The following SLBP variants were observed in gnomAD, a reference collection of about 807,000 sequenced individuals.
The protein encoded by SLBP is histone RNA hairpin-binding protein.
Under a neutral mutation model 39.2 loss-of-function variants are expected in SLBP, and 29 were observed. The observed-to-expected ratio is 0.74, with a 90% CI of 0.55 to 1.01. The LOEUF (loss-of-function observed/expected upper bound fraction) is 1.01. Ranked by LOEUF, SLBP falls within the 50% of genes least tolerant of loss-of-function variation. The probability of loss-of-function intolerance (pLI) is 0.00; values close to 1 mark genes in which losing one functional copy is unlikely to be tolerated. For missense variants in SLBP, 390 were observed against 350.2 expected (o/e 1.11, Z -0.91); for synonymous variants, 129 against 118.7 (o/e 1.09, Z -0.57).
At position 1,712,272 on chromosome 4, in the gene SLBP, G is replaced by T. The variant is rs1468833769; in HGVS notation, c.-84C>A. 12 of 878,470 alleles carry T rather than the reference G, an allele frequency of 1.4e-5. No homozygotes were observed. Among genetic ancestry groups the T allele is most frequent in the Non-Finnish European group, 1.9e-5 (12 of 643,436 alleles). 54.4% of individuals were successfully genotyped at this position (878,470 alleles called of 1,614,324 possible). Reference sequence around the variant, plus strand: ...AGAGAGCGCAGAGTAGAGCAGGGCAGGGCCTGAGGCAGAAACCCGCGTCCC... The same window carrying T: ...AGAGAGCGCAGAGTAGAGCAGGGCATGGCCTGAGGCAGAAACCCGCGTCCC... On this transcript the variant is annotated 5_prime_UTR_variant, in exon 1 of 8. The change creates a new upstream start codon in the 5' untranslated region. Coordinates refer to ENST00000489418, the MANE Select transcript of SLBP (RefSeq NM_006527.4).
Position 1,700,087 on chromosome 4 carries a change from T to G in SLBP, c.282-17A>C. On this transcript the variant is annotated splice_polypyrimidine_tract_variant and intron_variant, in intron 3 of 7. Coordinates refer to ENST00000489418, the MANE Select transcript of SLBP (RefSeq NM_006527.4). ...CTTTTATATCTGAGGGCAAAATAAATATTGCTGTTTTTAAAAAAGATATAA... is the reference window on the plus strand; with the variant it reads ...CTTTTATATCTGAGGGCAAAATAAAGATTGCTGTTTTTAAAAAAGATATAA... 2 of 1,554,068 alleles carry G rather than the reference T, an allele frequency of 1.3e-6. No individual in the cohort carries two copies. Among genetic ancestry groups the G allele is most frequent in the Non-Finnish European group, 1.8e-6 (2 of 1,132,628 alleles).
At chr4:1,698,630 G>A (rs1716212089) in intron 5 of SLBP, among the ~76,000 whole-genome samples, 1 of 151,224 alleles carries the variant, frequency 6.6e-6, no homozygotes, top group Non-Finnish European at 1.5e-5. Flanking sequence ...GACTACAAAT[G>A]TGTGCCACCA....
At chr4:1,697,598 T>C (rs1237145180) in intron 5 of SLBP, among the ~76,000 whole-genome samples, 1 of 152,180 alleles carries the variant, frequency 6.6e-6, no homozygotes, top group East Asian at 1.9e-4. Flanking sequence ...CCCAGCACTT[T>C]GGGAGGCCGA....
Position 1,711,672 on chromosome 4 carries a change from G to C in SLBP, c.176+202C>G, listed in dbSNP as rs1716777538. On this transcript the variant is annotated intron_variant, in intron 2 of 7. Transcript: ENST00000489418. ...CGCCGGTTCAGCTGACTCCCATCCT[G>C]GCAAGAGGCTTCCGGAGTGTTCCAG... is the stretch of plus-strand genomic sequence containing the variant. Among the ~76,000 whole-genome samples the C allele has an allele frequency of 3.3e-5, 5 of 152,362 alleles. No individual in the cohort carries two copies. In the South Asian group the frequency reaches 1.0e-3, roughly 32 times the overall value.
At chr4:1,695,676 G>A (rs1716079460) in intron 6 of SLBP, among the ~76,000 whole-genome samples, 1 of 151,974 alleles carries the variant, frequency 6.6e-6, no homozygotes, top group South Asian at 2.1e-4. Context: ...AGCTACTCAG[G>A]AGGCTGAGGC....
rs113061855 is a variant in SLBP, at chr4:1,699,030, C to T, written c.479+534G>A. Among the ~76,000 whole-genome samples the T allele has an allele frequency of 6.7e-3, 1,025 of 152,230 alleles. 9 individuals carry two copies. Among genetic ancestry groups the T allele is most frequent in the African/African-American group, 0.024 (977 of 41,520 alleles). ...GTCTCCTGGCCTCAAGCAGTCCTCTCGGCCTCCCAAAGTGCTGGAATTACA... is the reference window on the plus strand; with the variant it reads ...GTCTCCTGGCCTCAAGCAGTCCTCTTGGCCTCCCAAAGTGCTGGAATTACA... On this transcript the variant is annotated intron_variant, in intron 5 of 7. Coordinates refer to ENST00000489418, the MANE Select transcript of SLBP (RefSeq NM_006527.4).
intron 2 of SLBP, among the ~76,000 whole-genome samples, chr4:1,704,356 G>A (rs892640944): frequency 6.6e-5 from 10 of 152,198 alleles, no homozygotes; most frequent in Non-Finnish European, 1.2e-4. Flanking sequence ...TCCAACATCC[G>A]GCCTGATGCT....
intron 2 of SLBP, among the ~76,000 whole-genome samples, chr4:1,708,225 CTGGT>C (rs1415790685): frequency 6.6e-6 from 1 of 152,180 alleles, no homozygotes; most frequent in Non-Finnish European, 1.5e-5. Flanking sequence ...GAACTCCAGC[CTGGT>C]TGACAGTTAT....
intron 3 of SLBP, among the ~76,000 whole-genome samples, chr4:1,701,144 T>TTC (rs1448493910): frequency 8.0e-6 from 1 of 125,678 alleles, no homozygotes; most frequent in African/African-American, 2.6e-5. Context: ...TTTCTTTTTT[T>TTC]TCTTTTTTTT....
intron 5 of SLBP, among the ~76,000 whole-genome samples, chr4:1,698,158 G>A (rs146185981): frequency 3.0e-3 from 453 of 151,748 alleles, no homozygotes; most frequent in African/African-American, 0.01. Flanking sequence ...TCAGCAGTGC[G>A]AGACCAGCCT....
intron 2 of SLBP, among the ~76,000 whole-genome samples, chr4:1,709,209 A>G (rs1716637346): frequency 6.6e-6 from 1 of 152,012 alleles, no homozygotes; most frequent in South Asian, 2.1e-4. Flanking sequence ...GATTACAGGC[A>G]TGCGCCACCA....
chr4:1,711,993 G>A lies in SLBP; in HGVS notation c.60-3C>T. On this transcript the variant is annotated splice_region_variant and splice_polypyrimidine_tract_variant and intron_variant, in intron 1 of 7. Transcript: ENST00000489418. ...TCCATCGCGCGGGGGACGGCGGGCT[G>A]CGGGGAGGGACGCGGTCGGCTGGGC... The A allele has an allele frequency of 2.3e-6, 3 of 1,289,726 alleles. No individual in the cohort carries two copies. Among genetic ancestry groups the A allele is most frequent in the Non-Finnish European group, 2.9e-6 (3 of 1,017,960 alleles). 79.9% of individuals were successfully genotyped at this position (1,289,726 alleles called of 1,614,324 possible). A position where few individuals can be genotyped will look rare whatever the true frequency, so the allele number is the denominator to read the frequency against.
intron 2 of SLBP, among the ~76,000 whole-genome samples, chr4:1,709,573 G>A (rs76736092): frequency 0.044 from 6,670 of 151,206 alleles, 196 homozygotes; most frequent in Non-Finnish European, 0.066. Context: ...CGCCTATGAC[G>A]CCTGCCTCCC....
intron 2 of SLBP, among the ~76,000 whole-genome samples, chr4:1,710,170 C>T (rs969904121): frequency 1.3e-4 from 20 of 152,354 alleles, no homozygotes; most frequent in South Asian, 6.2e-4. Flanking sequence ...GGAGCCACTG[C>T]GCCCAGCCCC....
intron 4 of SLBP, 120 bp downstream of exon 4, chr4:1,699,891 G>C: frequency 1.2e-6 from 1 of 825,852 alleles, no homozygotes; most frequent in South Asian, 1.7e-5. Context: ...TTTCAAATTA[G>C]TGAAAAAGGT....
Position 1,711,761 on chromosome 4 carries a change from C to T in SLBP, c.176+113G>A, listed in dbSNP as rs1247665588. ...CCGCGCGGAGACCAAGATAAAAGGA[C>T]GCAGGGTGCCGACCTGACCGATCCC... is the stretch of plus-strand genomic sequence containing the variant. On this transcript the variant is annotated intron_variant, in intron 2 of 7. Transcript: ENST00000489418. 7 of 494,150 alleles carry T rather than the reference C, an allele frequency of 1.4e-5. No individual in the cohort carries two copies. In the Admixed American group the frequency reaches 2.7e-4, roughly 19 times the overall value. The allele number at this position is 494,150 out of a possible 1,614,324, so 30.6% of individuals were successfully genotyped here. A position where few individuals can be genotyped will look rare whatever the true frequency, so the allele number is the denominator to read the frequency against.
intron 2 of SLBP, among the ~76,000 whole-genome samples, chr4:1,704,937 T>C (rs1716464197): frequency 1.3e-5 from 2 of 152,138 alleles, no homozygotes; most frequent in African/African-American, 4.8e-5. Context: ...TTTTTTTTTT[T>C]TCTTTTTGAG....
In SLBP at chr4:1,699,598, T is replaced by C. The variant is rs755450318; in HGVS notation, c.445A>G (p.Ile149Val). ...TCTTTAATATAACGATCGTAGGCAA[T>C]TGTGTTCTTCCCATAGTTGATCTGC... ...QKQINYGKNT[I>V]AYDRYIKEVP... is the part of the protein sequence containing the mutation. Residue 149 changes from isoleucine to valine, a missense_variant, in exon 5 of 8, where the codon ATT (isoleucine) becomes GTT (valine). By Grantham distance (29) the Ile-to-Val change is conservative. Transcript: ENST00000489418. 1.4e-5 allele frequency: 22 copies of C among 1,613,810 alleles called. No homozygotes were observed. Among genetic ancestry groups the C allele is most frequent in the Middle Eastern group, 3.3e-4 (2 of 6,082 alleles).
chr4:1,697,090 G>C (rs747130905), intron 5 of SLBP, among the ~76,000 whole-genome samples: 2 of 146,222 alleles, frequency 1.4e-5, no homozygotes, highest in Admixed American at 7.1e-5. Flanking sequence ...CCTGGGAGGC[G>C]ATGGTTGCAA....
Sources: allele counts gnomAD v4.1 joint callset (sites outside exome capture counted in the v4.1 genomes callset), GRCh38; gene constraint gnomAD v4.1.1; transcripts MANE v1.5; gene names NCBI Gene and HGNC (gene_info 2026-07-23, HGNC 2026-07-21).